Variants in FOXP2 observed in about 807,000 individuals in gnomAD.
FOXP2 encodes forkhead box P2, also known as forkhead box protein P2.
In FOXP2, 12 loss-of-function variants were observed where a neutral mutation model predicts 115.8. The ratio of observed to expected loss-of-function variants is 0.10; its 90% CI spans 0.07 to 0.17. FOXP2 has a LOEUF of 0.17. Ranked by LOEUF, FOXP2 falls within the 10% of genes least tolerant of loss-of-function variation. FOXP2 has a pLI of 1.00. For synonymous variants in FOXP2, 328 were observed against 297.7 expected, an observed-to-expected ratio of 1.10 and a Z score of -1.05; for missense variants, 629 against 843.5, an observed-to-expected ratio of 0.75 and a Z score of 3.15.
intron 1 of FOXP2, among the ~76,000 whole-genome samples, chr7:114,255,597 G>A (rs1045724439): frequency 2.6e-5 from 4 of 152,192 alleles, no homozygotes; most frequent in African/African-American, 9.6e-5. Flanking sequence ...CGAGCCAGGC[G>A]GGCAATATAA....
chr7:114,257,455 T>C lies in FOXP2; in HGVS notation c.-101-30564T>C, dbSNP rs1295121004. 1.0e-4 allele frequency among the ~76,000 whole-genome samples: 14 copies of C among 137,694 alleles called. No homozygotes were observed. In the South Asian group the frequency reaches 3.1e-3, roughly 30 times the overall value. 90.3% of individuals were successfully genotyped at this position (137,694 alleles called of 152,430 possible). ...AGTCATTTTTTTCTTTTCTTTCTTT[T>C]TTTTTTTTTTTTTTTTGAGATGGAG... On this transcript the variant is annotated intron_variant, in intron 1 of 17. Coordinates refer to the FOXP2 transcript ENST00000634411.
chr7:114,462,277 GAAAAAA>G (rs766244858), intron 2 of FOXP2, among the ~76,000 whole-genome samples: 11 of 20,796 alleles, frequency 5.3e-4, no homozygotes, highest in Admixed American at 8.7e-4. Flanking sequence ...GAGACTCCGT[GAAAAAA>G]AAAAAAAAAA....
intron 3 of FOXP2, among the ~76,000 whole-genome samples, chr7:114,579,377 A>G (rs983053428): frequency 3.9e-5 from 6 of 152,210 alleles, no homozygotes; most frequent in African/African-American, 1.4e-4. Flanking sequence ...TACAGAGGTT[A>G]CAGAATTCTT....
intron 2 of FOXP2, among the ~76,000 whole-genome samples, chr7:114,365,156 T>C (rs1215223025): frequency 1.3e-5 from 2 of 152,166 alleles, no homozygotes; most frequent in African/African-American, 4.8e-5. Context: ...AAAATTACAA[T>C]TTAACAAACC....
intron 2 of FOXP2, chr7:114,498,972 T>G (rs990681756): frequency 5.6e-6 from 4 of 717,248 alleles, no homozygotes; most frequent in Non-Finnish European, 7.8e-6. Context: ...CTCAAAAGTG[T>G]GAGTCCTGGA....
intron 2 of FOXP2, among the ~76,000 whole-genome samples, chr7:114,439,612 CT>C (rs1342348853): frequency 6.6e-6 from 1 of 151,986 alleles, no homozygotes; most frequent in African/African-American, 2.4e-5. Context: ...GTGGCGTGAT[CT>C]TAGCTCACTG....
At chr7:114,378,903 A>T (rs559076101) in intron 2 of FOXP2, among the ~76,000 whole-genome samples, 1 of 150,898 alleles carries the variant, frequency 6.6e-6, no homozygotes, top group Admixed American at 6.6e-5. Context: ...AAATAATTAC[A>T]TCTTACTTTT....
At chr7:114,407,668 T>C (rs1040401552) in intron 2 of FOXP2, among the ~76,000 whole-genome samples, 1 of 152,156 alleles carries the variant, frequency 6.6e-6, no homozygotes, top group African/African-American at 2.4e-5. Context: ...GAGCAAACAG[T>C]GCTTTTCTAA....
chr7:114,475,168 CAA>C (rs1796203749), intron 2 of FOXP2, among the ~76,000 whole-genome samples: 1 of 151,988 alleles, frequency 6.6e-6, no homozygotes, highest in Admixed American at 6.6e-5. Flanking sequence ...ATTTTCAAAA[CAA>C]ATTGATATAT....
intron 1 of FOXP2, among the ~76,000 whole-genome samples, chr7:114,190,616 CAT>C (rs777495300): frequency 3.9e-5 from 6 of 152,116 alleles, no homozygotes; most frequent in Non-Finnish European, 8.8e-5. Context: ...GTTGTGGAGA[CAT>C]ATTCTGTTTC....
intron 11 of FOXP2, 49 bp from the exon 12 acceptor site, chr7:114,659,307 T>A: frequency 2.3e-6 from 3 of 1,290,828 alleles, no homozygotes; most frequent in Non-Finnish European, 3.4e-6. Flanking sequence ...TTCAATTATA[T>A]ATAATGTGAA....
intron 1 of FOXP2, among the ~76,000 whole-genome samples, chr7:114,259,299 A>G (rs1356480714): frequency 6.6e-6 from 1 of 152,234 alleles, no homozygotes; most frequent in Non-Finnish European, 1.5e-5. Context: ...TATTCTAAGT[A>G]TGTTAACGTT....
chr7:114,105,192 G>T (rs1490605802), intron 1 of FOXP2, among the ~76,000 whole-genome samples: 1 of 151,982 alleles, frequency 6.6e-6, no homozygotes, highest in Non-Finnish European at 1.5e-5. Flanking sequence ...ACCAGTTTTT[G>T]TGTAATTTTT....
intron 2 of FOXP2, among the ~76,000 whole-genome samples, chr7:114,385,463 C>A (rs541230396): frequency 3.0e-4 from 45 of 152,276 alleles, no homozygotes; most frequent in Non-Finnish European, 4.6e-4. Flanking sequence ...TGATCTCAGC[C>A]GGCTACTGCC....
At chr7:114,238,948 A>C (rs1180884562) in intron 1 of FOXP2, among the ~76,000 whole-genome samples, 1 of 148,990 alleles carries the variant, frequency 6.7e-6, no homozygotes, top group Non-Finnish European at 1.5e-5. Context: ...ACAAACATTT[A>C]TAAATATAAA....
chr7:114,382,900 C>G (rs7779005), intron 2 of FOXP2, among the ~76,000 whole-genome samples: 145,633 of 152,216 alleles, frequency 0.96, 69,993 homozygotes, highest in South Asian at 1. Context: ...TAATTCATAG[C>G]CTTCTTCCTA....
At chr7:114,098,790 A>G (rs1372164219) in intron 1 of FOXP2, among the ~76,000 whole-genome samples, 1 of 152,204 alleles carries the variant, frequency 6.6e-6, no homozygotes, top group Non-Finnish European at 1.5e-5. Flanking sequence ...ACTGGGAAAA[A>G]TATTTGCAAA....
chr7:114,529,578 C>A (rs1387343310), intron 2 of FOXP2, among the ~76,000 whole-genome samples: 1 of 151,584 alleles, frequency 6.6e-6, no homozygotes, highest in African/African-American at 2.4e-5. Context: ...TAAATATATC[C>A]ACACATTAAT....
At chr7:114,125,542 GAAT>G (rs1791685049) in intron 1 of FOXP2, among the ~76,000 whole-genome samples, 1 of 152,010 alleles carries the variant, frequency 6.6e-6, no homozygotes. Context: ...TTTCAGGAGG[GAAT>G]AAATAATGAT....
Sources: allele counts gnomAD v4.1 joint callset (sites outside exome capture counted in the v4.1 genomes callset), GRCh38; gene constraint gnomAD v4.1.1; transcripts MANE v1.5; gene names NCBI Gene and HGNC (gene_info 2026-07-23, HGNC 2026-07-21).